SUCLA2: variants seen among roughly 807,000 people sequenced by gnomAD.
The protein encoded by SUCLA2 is succinate-CoA ligase ADP-forming subunit beta.
Under a neutral mutation model 54.8 loss-of-function variants are expected in SUCLA2, and 30 were observed. The ratio of observed to expected loss-of-function variants is 0.55; its 90% CI spans 0.41 to 0.74. The LOEUF (loss-of-function observed/expected upper bound fraction) is 0.74, where lower values mean the gene tolerates loss of function less well. SUCLA2 is among the 30% of genes least tolerant of loss of function. SUCLA2 has a pLI of 0.00. For missense variants in SUCLA2, 476 were observed against 562.9 expected, an observed-to-expected ratio of 0.85 and a Z score of 1.56; for synonymous variants, 172 against 188.9, an observed-to-expected ratio of 0.91 and a Z score of 0.74.
intron 2 of SUCLA2, among the ~76,000 whole-genome samples, chr13:47,994,360 G>A (rs903181238): frequency 3.3e-5 from 5 of 151,946 alleles, no homozygotes; most frequent in Admixed American, 3.3e-4. Context: ...ACAAGGTCAG[G>A]GGTTCGAGAC....
chr13:47,984,993 T>C (rs1242446578), intron 4 of SUCLA2, among the ~76,000 whole-genome samples: 2 of 152,106 alleles, frequency 1.3e-5, no homozygotes, highest in Non-Finnish European at 2.9e-5. Flanking sequence ...AGACCAAAAG[T>C]ACCCAACAGG....
At chr13:47,976,098 A>T (rs1054201421) in intron 4 of SUCLA2, among the ~76,000 whole-genome samples, 4 of 151,824 alleles carry the variant, frequency 2.6e-5, no homozygotes, top group Admixed American at 2.6e-4. Flanking sequence ...ATTTAAAATT[A>T]AAAAAAAATT....
intron 6 of SUCLA2, among the ~76,000 whole-genome samples, chr13:47,962,942 G>C (rs1054641870): frequency 2.0e-5 from 3 of 152,070 alleles, no homozygotes; most frequent in African/African-American, 7.3e-5. Context: ...ACCACATCCA[G>C]ACAATGAGAC....
chr13:47,974,836 C>T (rs1949996739), intron 4 of SUCLA2, among the ~76,000 whole-genome samples: 1 of 152,026 alleles, frequency 6.6e-6, no homozygotes. Flanking sequence ...AGATTGTTTA[C>T]TGACAGGAAA....
chr13:47,993,804 G>C (rs1243110498), intron 2 of SUCLA2, among the ~76,000 whole-genome samples: 1 of 152,182 alleles, frequency 6.6e-6, no homozygotes, highest in Non-Finnish European at 1.5e-5. Flanking sequence ...GGGAGGGTGA[G>C]GCAGGTGGAT....
chr13:47,951,602 T>TA (rs1036261494), intron 8 of SUCLA2, among the ~76,000 whole-genome samples: 2 of 152,026 alleles, frequency 1.3e-5, no homozygotes, highest in Admixed American at 1.3e-4. Flanking sequence ...TGAAGAGCAA[T>TA]AAAATAATAA....
rs1287881103 is a variant in SUCLA2 at position 47,964,848 on chromosome 13, C to A, written c.802+3747G>T. ...CTCCAGCCTGGGTGACAGAGCAAGA[C>A]CCCGTCTCAAAAAAAAAATGTCATC... On this transcript the variant is annotated intron_variant, in intron 6 of 10. Coordinates refer to ENST00000646932, the MANE Select transcript of SUCLA2 (RefSeq NM_003850.3). Among the ~76,000 whole-genome samples, 5 of 151,676 alleles carry A rather than the reference C, an allele frequency of 3.3e-5. No homozygotes were observed. The East Asian group carries it at 9.7e-4, about 29-fold the overall frequency.
rs986372705 is a variant in SUCLA2, at chr13:47,984,345, C to A, written c.534+4196G>T. ...AGTAGCTGGGACTACAGGCACCCCC[C>A]ACCACGCCCAGCTAATTTTTTGTTT... On this transcript the variant is annotated intron_variant, in intron 4 of 10. Transcript: ENST00000646932. 2.1e-5 allele frequency among the ~76,000 whole-genome samples: 3 copies of A among 140,706 alleles called. No individual in the cohort carries two copies. The Admixed American group carries it at 2.2e-4, about 10-fold the overall frequency. 92.3% of individuals were successfully genotyped at this position (140,706 alleles called of 152,430 possible).
At chr13:47,944,855 G>A (rs761145440) in intron 10 of SUCLA2, among the ~76,000 whole-genome samples, 2 of 152,132 alleles carry the variant, frequency 1.3e-5, no homozygotes, top group Non-Finnish European at 2.9e-5. Context: ...AAGCCTGGGG[G>A]CTCATGCTTG....
intron 4 of SUCLA2, 147 bp from the exon 5 acceptor site, chr13:47,973,539 A>C: frequency 1.2e-6 from 1 of 826,738 alleles, no homozygotes; most frequent in Non-Finnish European, 1.9e-6. Context: ...TTATCCTCAC[A>C]TCTCCAGCAC....
At chr13:47,996,354 ACT>A (rs1400618213) in intron 2 of SUCLA2, among the ~76,000 whole-genome samples, 1 of 150,792 alleles carries the variant, frequency 6.6e-6, no homozygotes, top group African/African-American at 2.4e-5. Flanking sequence ...AGAAAAAGAA[ACT>A]CTGCTCTCAA....
chr13:47,943,733 T>A, intron 10 of SUCLA2, among the ~76,000 whole-genome samples: 1 of 140,470 alleles, frequency 7.1e-6, no homozygotes, highest in Admixed American at 7.3e-5. Context: ...GTATAAAATG[T>A]GTGTGTATGT....
intron 5 of SUCLA2, chr13:47,972,084 C>T (rs1949971141): frequency 5.3e-6 from 2 of 376,928 alleles, no homozygotes; most frequent in African/African-American, 2.1e-5. Flanking sequence ...AACCCCATCT[C>T]TACTAAAACA....
rs1395019760 is a variant in SUCLA2, at chr13:47,994,766, C to T, written c.271+2077G>A. On this transcript the variant is annotated intron_variant, in intron 2 of 10. Transcript: ENST00000646932. ...CACACTTTCTAAATGAACAAGGTAT[C>T]TGTTCCAAGGGGCTCAAAATCAGAG... 1.1e-5 allele frequency: 10 copies of T among 903,674 alleles called. No individual in the cohort carries two copies. In the Admixed American group the frequency reaches 6.2e-4, roughly 56 times the overall value. The allele number at this position is 903,674 out of a possible 1,614,324, so 56.0% of individuals were successfully genotyped here.
chr13:47,943,207 A>T lies in SUCLA2; in HGVS notation c.*164T>A, dbSNP rs1949699704. On this transcript the variant is annotated 3_prime_UTR_variant, in exon 11 of 11. Coordinates refer to ENST00000646932, the MANE Select transcript of SUCLA2 (RefSeq NM_003850.3). ...TGCTTCGTACAAACAGTCCATTCTG[A>T]ATGGTACAATTAAATGCAGTCCAAA... 1.3e-6 allele frequency: 1 copy of T among 745,152 alleles called. No individual in the cohort carries two copies. Among genetic ancestry groups the T allele is most frequent in the African/African-American group, 1.7e-5 (1 of 58,066 alleles). The allele number at this position is 745,152 out of a possible 1,614,324, so 46.2% of individuals were successfully genotyped here.
At chr13:47,965,780 G>A in intron 6 of SUCLA2, 1 of 390,748 alleles carries the variant, frequency 2.6e-6, no homozygotes, top group Non-Finnish European at 4.5e-6. Flanking sequence ...GAACGTTCTT[G>A]GCTTGCGCCT....
At chr13:47,977,025 G>A (rs1950019611) in intron 4 of SUCLA2, among the ~76,000 whole-genome samples, 1 of 150,806 alleles carries the variant, frequency 6.6e-6, no homozygotes, top group Non-Finnish European at 1.5e-5. Flanking sequence ...CAACAAAACT[G>A]CATATTGGCT....
chr13:47,975,956 T>C (rs1424140886), intron 4 of SUCLA2, among the ~76,000 whole-genome samples: 1 of 152,184 alleles, frequency 6.6e-6, no homozygotes, highest in African/African-American at 2.4e-5. Flanking sequence ...ATTCAATCAG[T>C]GATACCCAGG....
chr13:47,992,459 TAGAAG>T (rs1173282920), intron 2 of SUCLA2, among the ~76,000 whole-genome samples: 6 of 150,442 alleles, frequency 4.0e-5, no homozygotes, highest in Non-Finnish European at 7.4e-5. Flanking sequence ...GAAGAAAGAT[TAGAAG>T]AGAAGTCTGA....
Sources: gnomAD v4.1 joint callset for allele counts (sites outside exome capture counted in the v4.1 genomes callset) on GRCh38, gnomAD v4.1.1 for gene constraint, MANE v1.5 for transcripts, NCBI Gene and HGNC (gene_info 2026-07-23, HGNC 2026-07-21) for gene names.